KCNH7: variants seen among roughly 807,000 people sequenced by gnomAD.
KCNH7 encodes voltage-gated inwardly rectifying potassium channel KCNH7.
In KCNH7, 49 loss-of-function variants were observed where a neutral mutation model predicts 120.8. The observed-to-expected ratio is 0.41, with a 90% CI of 0.32 to 0.51. The LOEUF (loss-of-function observed/expected upper bound fraction) is 0.51, where lower values mean the gene tolerates loss of function less well. Ranked by LOEUF, KCNH7 falls within the 20% of genes least tolerant of loss-of-function variation. The pLI is 0.38. For synonymous variants in KCNH7, 547 were observed against 516.1 expected (o/e 1.06, Z -0.81); for missense variants, 1,097 against 1,446.6 (o/e 0.76, Z 3.92).
chr2:162,536,473 G>A lies in KCNH7; in HGVS notation c.463+452C>T, dbSNP rs528373599. Among the ~76,000 whole-genome samples, 24 of 152,060 alleles carry A rather than the reference G, an allele frequency of 1.6e-4. No homozygotes were observed. In the South Asian group the frequency reaches 4.8e-3, roughly 30 times the overall value. ...GTTTTGGGGAAAAGGGCTAATTCAT[G>A]GCTGGTGGTAGTGTAAAATGGTTCA... On this transcript the variant is annotated intron_variant, in intron 3 of 15. Coordinates refer to ENST00000332142, the MANE Select transcript of KCNH7 (RefSeq NM_033272.4).
At chr2:162,686,249 A>C (rs1220205036) in intron 2 of KCNH7, among the ~76,000 whole-genome samples, 1 of 152,138 alleles carries the variant, frequency 6.6e-6, no homozygotes, top group Non-Finnish European at 1.5e-5. Flanking sequence ...CAAATTAAAA[A>C]ACATGTTTGC....
chr2:162,392,247 T>C (rs1686765401), intron 12 of KCNH7, among the ~76,000 whole-genome samples: 1 of 151,762 alleles, frequency 6.6e-6, no homozygotes, highest in Admixed American at 6.6e-5. Flanking sequence ...GTAATTTTAG[T>C]GGATGAAACT....
At chr2:162,642,587 T>C (rs1368165538) in intron 2 of KCNH7, among the ~76,000 whole-genome samples, 1 of 152,216 alleles carries the variant, frequency 6.6e-6, no homozygotes, top group Non-Finnish European at 1.5e-5. Flanking sequence ...TTGTTGTCAA[T>C]AGTTGAATGA....
At chr2:162,431,301 C>T (rs1688058065) in intron 8 of KCNH7, among the ~76,000 whole-genome samples, 1 of 151,942 alleles carries the variant, frequency 6.6e-6, no homozygotes, top group Non-Finnish European at 1.5e-5. Context: ...GTAATTAGCA[C>T]ATATACGATC....
intron 2 of KCNH7, among the ~76,000 whole-genome samples, chr2:162,705,883 T>C (rs1686682719): frequency 6.6e-6 from 1 of 152,070 alleles, no homozygotes. Flanking sequence ...ACACCCTAAA[T>C]CAACTGTCAG....
At chr2:162,664,887 T>C (rs1249430403) in intron 2 of KCNH7, among the ~76,000 whole-genome samples, 1 of 152,174 alleles carries the variant, frequency 6.6e-6, no homozygotes, top group South Asian at 2.1e-4. Flanking sequence ...TTCCCAGCCC[T>C]TCACAAAGGA....
chr2:162,394,543 CT>C, intron 11 of KCNH7, 58 bp from the exon 12 acceptor site: 1 of 983,350 alleles, frequency 1.0e-6, no homozygotes, highest in Non-Finnish European at 1.6e-6. Context: ...ACACAATGTA[CT>C]ATTCAGTAAA....
chr2:162,612,319 C>G (rs1297651877), intron 2 of KCNH7, among the ~76,000 whole-genome samples: 1 of 152,052 alleles, frequency 6.6e-6, no homozygotes, highest in South Asian at 2.1e-4. Flanking sequence ...GTCAGAATCC[C>G]TAAAGGATTA....
chr2:162,435,499 A>G lies in KCNH7; in HGVS notation c.1653T>C (p.Val551=). 1 of 1,613,774 alleles carries G rather than the reference A, an allele frequency of 6.2e-7. No homozygotes were observed. Among genetic ancestry groups the G allele is most frequent in the Non-Finnish European group, 8.5e-7 (1 of 1,179,832 alleles). The change falls in exon 8 of 16, where the codon GTT becomes GTC. Residue 551 remains valine, a synonymous_variant. Coordinates refer to ENST00000332142, the MANE Select transcript of KCNH7 (RefSeq NM_033272.4). The stretch of plus-strand genomic sequence containing the variant: ...CAAAGATGCACATTAAGAGCATTAG[A>G]ACAGCAGCGCCATATTCTGAATATC... ...LDRYSEYGAA[V]LMLLMCIFAL... is the part of the protein sequence containing the mutation.
At chr2:162,428,886 TTATAAG>T (rs1321135565) in intron 8 of KCNH7, among the ~76,000 whole-genome samples, 2 of 151,848 alleles carry the variant, frequency 1.3e-5, no homozygotes, top group African/African-American at 2.4e-5. Context: ...TTTTTACTCT[TTATAAG>T]TATGTTTTCT....
At chr2:162,637,865 G>A (rs1306938310) in intron 2 of KCNH7, among the ~76,000 whole-genome samples, 2 of 152,048 alleles carry the variant, frequency 1.3e-5, no homozygotes, top group Non-Finnish European at 2.9e-5. Context: ...AAGTTGTAGT[G>A]TGTTACATCT....
At chr2:162,666,132 T>C (rs1685125073) in intron 2 of KCNH7, among the ~76,000 whole-genome samples, 1 of 152,168 alleles carries the variant, frequency 6.6e-6, no homozygotes, top group Admixed American at 6.5e-5. Context: ...CTCCATTACC[T>C]TGTGCTCTAG....
intron 2 of KCNH7, among the ~76,000 whole-genome samples, chr2:162,723,339 T>A (rs966203753): frequency 1.1e-4 from 17 of 152,138 alleles, no homozygotes; most frequent in Non-Finnish European, 1.8e-4. Flanking sequence ...CTCTTGTGCA[T>A]GTTTCTTCTC....
chr2:162,372,788 A>G (rs766748836), intron 15 of KCNH7, among the ~76,000 whole-genome samples: 1 of 152,164 alleles, frequency 6.6e-6, no homozygotes, highest in Non-Finnish European at 1.5e-5. Context: ...ACTAATTAAG[A>G]CTAATTCCCA....
intron 7 of KCNH7, among the ~76,000 whole-genome samples, chr2:162,441,932 A>G (rs1472472500): frequency 1.3e-5 from 2 of 149,670 alleles, no homozygotes; most frequent in African/African-American, 4.9e-5. Context: ...TTAACATTAT[A>G]GAATATCCTC....
intron 2 of KCNH7, among the ~76,000 whole-genome samples, chr2:162,630,494 G>A (rs1158085216): frequency 2.0e-5 from 3 of 151,758 alleles, no homozygotes; most frequent in Non-Finnish European, 2.9e-5. Context: ...AAAAAAAGAC[G>A]CAAGAAAAGT....
intron 2 of KCNH7, among the ~76,000 whole-genome samples, chr2:162,611,184 G>C (rs1180664948): frequency 2.0e-5 from 3 of 152,156 alleles, no homozygotes; most frequent in African/African-American, 7.2e-5. Context: ...GGGTGGCATT[G>C]GTGTGGACCA....
rs115441030 is a variant in KCNH7 at position 162,457,364 on chromosome 2, C to A, written c.1129-10921G>T. 4.9e-3 allele frequency among the ~76,000 whole-genome samples: 741 copies of A among 152,192 alleles called. 8 individuals are homozygous for A. The highest frequency in any genetic ancestry group is 0.017 in the African/African-American group (720 of 41,560). On this transcript the variant is annotated intron_variant, in intron 6 of 15. Coordinates refer to ENST00000332142, the MANE Select transcript of KCNH7 (RefSeq NM_033272.4). ...AATAAGGAATAAAAAAAGGGAAACT[C>A]CATGGCCTCCAGAAAGATTTACATT...
At chr2:162,804,733 T>C (rs1573908483) in intron 2 of KCNH7, among the ~76,000 whole-genome samples, 1 of 149,818 alleles carries the variant, frequency 6.7e-6, no homozygotes, top group East Asian at 2.0e-4. Flanking sequence ...TTTTCATAGA[T>C]TTAGAAGAAA....
Sources: allele counts gnomAD v4.1 joint callset (sites outside exome capture counted in the v4.1 genomes callset), GRCh38; gene constraint gnomAD v4.1.1; transcripts MANE v1.5; gene names NCBI Gene and HGNC (gene_info 2026-07-23, HGNC 2026-07-21).